MID1: variants seen among roughly 807,000 people sequenced by gnomAD.
MID1 encodes midline 1, also known as E3 ubiquitin-protein ligase Midline-1.
A neutral mutation model predicts 40.4 loss-of-function variants in MID1; 7 were observed. The observed-to-expected ratio is 0.17, with a 90% CI of 0.10 to 0.33. The LOEUF (loss-of-function observed/expected upper bound fraction) is 0.33, where lower values mean the gene tolerates loss of function less well. Ranked by LOEUF, MID1 falls within the 10% of genes least tolerant of loss-of-function variation. The pLI, the probability that MID1 is intolerant of heterozygous loss-of-function variation, is 1.00. For synonymous variants in MID1, 229 were observed against 221.2 expected (o/e 1.04, Z -0.31); for missense variants, 367 against 558.5 (o/e 0.66, Z 3.46).
intron 1 of MID1, among the ~76,000 whole-genome samples, chrX:10,691,695 CAG>C (rs1488977500): frequency 1.8e-5 from 2 of 111,774 alleles, no homozygotes; most frequent in South Asian, 3.7e-4. Context: ...TGAAAAAGAA[CAG>C]AATAACAGCG....
intron 2 of MID1, among the ~76,000 whole-genome samples, chrX:10,538,565 G>A (rs1334222818): frequency 1.8e-5 from 2 of 111,191 alleles, no homozygotes; most frequent in African/African-American, 6.5e-5. Context: ...CTGAGTTGGC[G>A]TGCAAACTCA....
At chrX:10,450,549 A>G (rs1253863682) in intron 9 of MID1, among the ~76,000 whole-genome samples, 5 of 112,656 alleles carry the variant, frequency 4.4e-5, no homozygotes, top group East Asian at 2.8e-4. Flanking sequence ...CATATTAACA[A>G]TAAGTACCAG....
intron 1 of MID1, among the ~76,000 whole-genome samples, chrX:10,650,644 C>T (rs1186253134): frequency 9.0e-6 from 1 of 111,405 alleles, no homozygotes; most frequent in Admixed American, 9.5e-5. Flanking sequence ...ATTTACTAAT[C>T]CCTAAAATCA....
intron 9 of MID1, among the ~76,000 whole-genome samples, chrX:10,453,195 G>A (rs183784543): frequency 9.0e-6 from 1 of 111,502 alleles, no homozygotes; most frequent in African/African-American, 3.3e-5. Context: ...AAACCTACTC[G>A]CTCAGCCAAT....
intron 1 of MID1, among the ~76,000 whole-genome samples, chrX:10,715,038 CTCT>C (rs1359214889): frequency 7.1e-5 from 8 of 112,448 alleles, no homozygotes; most frequent in Non-Finnish European, 9.4e-5. Flanking sequence ...GAAAGTTATT[CTCT>C]TCTTAAAAAT....
intron 1 of MID1, among the ~76,000 whole-genome samples, chrX:10,692,617 CA>C (rs935778202): frequency 9.6e-5 from 10 of 104,016 alleles, no homozygotes; most frequent in African/African-American, 1.0e-4. Context: ...AACTCCATCT[CA>C]AAAAAAAAAA....
At chrX:10,829,110 T>C (rs745685478) in intron 1 of MID1, among the ~76,000 whole-genome samples, 1 of 112,312 alleles carries the variant, frequency 8.9e-6, no homozygotes, top group Non-Finnish European at 1.9e-5. Flanking sequence ...TGGTAGTTTA[T>C]ATGCTGTTTT....
chrX:10,446,801 G>T lies in MID1; in HGVS notation c.*2567C>A, dbSNP rs767484187. On this transcript the variant is annotated 3_prime_UTR_variant, in exon 10 of 10. Coordinates refer to ENST00000317552, the MANE Select transcript of MID1 (RefSeq NM_000381.4). ...ACTCCTGGGCTCTGGGCATACCCAT[G>T]ACACCAGACCTGGCAGTCTTGGTTG... The T allele has an allele frequency of 7.2e-5, 8 of 111,876 alleles. No individual in the cohort carries two copies. Among genetic ancestry groups the T allele is most frequent in the Non-Finnish European group, 1.3e-4 (7 of 53,311 alleles). 9.2% of individuals were successfully genotyped at this position (111,876 alleles called of 1,213,427 possible).
chrX:10,592,662 T>C (rs1476017340), intron 1 of MID1, among the ~76,000 whole-genome samples: 2 of 110,287 alleles, frequency 1.8e-5, no homozygotes, highest in Non-Finnish European at 3.8e-5. Context: ...AGAGTAATAA[T>C]TAAATTCCAA....
At chrX:10,780,363 C>A (rs1323058539) in intron 1 of MID1, among the ~76,000 whole-genome samples, 1 of 111,600 alleles carries the variant, frequency 9.0e-6, no homozygotes, top group Non-Finnish European at 1.9e-5. Flanking sequence ...TCCTCTCCAT[C>A]CTGTGGCTTT....
chrX:10,574,690 A>T (rs1445197346), intron 1 of MID1, among the ~76,000 whole-genome samples: 2 of 112,680 alleles, frequency 1.8e-5, no homozygotes, highest in Non-Finnish European at 3.7e-5. Context: ...AATTTGGAGT[A>T]TATGAAAAAG....
chrX:10,722,571 T>C (rs1464912839), intron 1 of MID1, among the ~76,000 whole-genome samples: 1 of 112,001 alleles, frequency 8.9e-6, no homozygotes, highest in African/African-American at 3.2e-5. Context: ...TTAATGAATA[T>C]CGGCCTTCAA....
intron 1 of MID1, among the ~76,000 whole-genome samples, chrX:10,711,403 G>A (rs1192027003): frequency 9.0e-6 from 1 of 111,646 alleles, no homozygotes; most frequent in Non-Finnish European, 1.9e-5. Flanking sequence ...CTTTTATAGT[G>A]TCTACTAAAG....
chrX:10,506,368 T>C, intron 3 of MID1: 1 of 1,114,076 alleles, frequency 9.0e-7, no homozygotes, highest in Non-Finnish European at 1.2e-6. Flanking sequence ...CAGTACTGGG[T>C]AGGAAGTGAA....
chrX:10,766,751 C>T (rs2043732586), intron 1 of MID1, among the ~76,000 whole-genome samples: 1 of 109,112 alleles, frequency 9.2e-6, no homozygotes, highest in African/African-American at 3.3e-5. Context: ...GAAACCTCGT[C>T]TCCATAAAAA....
intron 1 of MID1, among the ~76,000 whole-genome samples, chrX:10,613,732 T>TATATATATATAGAGAGAGAGAGAG (rs1482081086): frequency 5.7e-5 from 1 of 17,467 alleles, no homozygotes; most frequent in Non-Finnish European, 1.1e-4. Flanking sequence ...TATATATATA[T>TATATATATATAGAGAGAGAGAGAG]AGAGAGAGAG....
At chrX:10,769,446 CCTCA>C (rs753702729) in intron 1 of MID1, among the ~76,000 whole-genome samples, 2 of 111,864 alleles carry the variant, frequency 1.8e-5, no homozygotes, top group African/African-American at 6.5e-5. Context: ...CAAGCTCTGT[CCTCA>C]CTCTTTCCTC....
In MID1 at chrX:10,445,958, G is replaced by A. The variant is rs928295215; in HGVS notation, c.*3410C>T. 2 of 111,470 alleles carry A rather than the reference G, an allele frequency of 1.8e-5. No homozygotes were observed. The highest frequency in any genetic ancestry group is 6.5e-5 in the African/African-American group (2 of 30,628). 9.2% of individuals were successfully genotyped at this position (111,470 alleles called of 1,213,427 possible). The stretch of plus-strand genomic sequence containing the variant: ...GCATTAAAAGAAAACCAACGATCAA[G>A]TTTCTACACTGCAGCACTGTTGATA... On this transcript the variant is annotated 3_prime_UTR_variant, in exon 10 of 10. Coordinates refer to ENST00000317552, the MANE Select transcript of MID1 (RefSeq NM_000381.4).
chrX:10,453,127 G>C (rs754811396), intron 9 of MID1, among the ~76,000 whole-genome samples: 18 of 111,592 alleles, frequency 1.6e-4, no homozygotes, highest in Non-Finnish European at 3.2e-4. Context: ...CCTCTGGCAG[G>C]ATGTTGGAAC....
Sources: gnomAD v4.1 joint callset for allele counts (sites outside exome capture counted in the v4.1 genomes callset) on GRCh38, gnomAD v4.1.1 for gene constraint, MANE v1.5 for transcripts, NCBI Gene and HGNC (gene_info 2026-07-23, HGNC 2026-07-21) for gene names.